The following GATM variants were observed in gnomAD, a reference collection of about 807,000 sequenced individuals.
GATM encodes the protein glycine amidinotransferase, mitochondrial.
In GATM, 23 loss-of-function variants were observed where a neutral mutation model predicts 54.2. That is an observed-to-expected ratio of 0.42 (90% CI 0.31 to 0.60). GATM has a LOEUF of 0.60. GATM is among the 20% of genes least tolerant of loss of function. The pLI is 0.14. For missense variants in GATM, 401 were observed against 544.9 expected, an observed-to-expected ratio of 0.74 and a Z score of 2.63; for synonymous variants, 168 against 183.1, an observed-to-expected ratio of 0.92 and a Z score of 0.67.
Position 45,366,211 on chromosome 15 carries a change from C to A in GATM, c.814-1G>T. On this transcript the variant is annotated splice_acceptor_variant, in intron 5 of 8. Transcript: ENST00000396659. LOFTEE classifies it high-confidence loss of function. ...ATTCAATGCCTAGGTAGTTTGTAAC[C>A]TGAAAACAAAAGAAAGACATACGAT... The A allele has an allele frequency of 6.2e-7, 1 of 1,613,962 alleles. No individual in the cohort carries two copies. The highest frequency in any genetic ancestry group is 8.5e-7 in the Non-Finnish European group (1 of 1,179,974).
intron 3 of GATM, among the ~76,000 whole-genome samples, chr15:45,394,131 A>C (rs1889901650): frequency 6.6e-6 from 1 of 152,208 alleles, no homozygotes; most frequent in African/African-American, 2.4e-5. Flanking sequence ...ACCAAGCCAC[A>C]CAGCAGGAGG....
intron 7 of GATM, chr15:45,364,271 G>C (rs548275680): frequency 7.2e-5 from 33 of 459,192 alleles, no homozygotes; most frequent in Admixed American, 1.1e-4. Flanking sequence ...CTAGCACTTT[G>C]GGAGGCTGAG....
intron 3 of GATM, among the ~76,000 whole-genome samples, chr15:45,386,393 T>C (rs1294900194): frequency 1.3e-5 from 2 of 152,202 alleles, no homozygotes; most frequent in African/African-American, 4.8e-5. Flanking sequence ...CCCTAATCGC[T>C]ATTATTTTTA....
rs1180365337 is a variant in GATM at position 45,369,463 on chromosome 15, G to A, written c.347C>T (p.Pro116Leu). 2 of 1,614,088 alleles carry A rather than the reference G, an allele frequency of 1.2e-6. No homozygotes were observed. Among genetic ancestry groups the A allele is most frequent in the Non-Finnish European group, 1.7e-6 (2 of 1,179,996 alleles). ...FYQKQGGHYF[P>L]KDHLKKAVAE... ...AACAGCCTTTTTCAAATGATCTTTG[G>A]GAAAATAATGCCCTCCTTGCTTCTG... Residue 116 changes from proline to leucine, a missense_variant, in exon 3 of 9, where the codon CCC (proline) becomes CTC (leucine). Coordinates refer to ENST00000396659, the MANE Select transcript of GATM (RefSeq NM_001482.3).
At chr15:45,381,225 T>A (rs1313791400), upstream of GATM, among the ~76,000 whole-genome samples, 1 of 152,174 alleles carries the variant, frequency 6.6e-6, no homozygotes, top group Non-Finnish European at 1.5e-5. Context: ...AATTTTAGGA[T>A]CTTGGTGGTC....
At chr15:45,399,677 A>G (rs921783932) in intron 1 of GATM, 12 of 152,282 alleles carry the variant, frequency 7.9e-5, no homozygotes, top group African/African-American at 2.4e-4. Context: ...ACTAAGCCAG[A>G]TAATATATAG....
Position 45,361,277 on chromosome 15 carries a change from A to T in GATM, c.*832T>A, listed in dbSNP as rs1889358335. Reference sequence around the variant, plus strand: ...AAATAATTTGCACATTTGTAAACAAATCTTAGATGACCAAAGATGCAGTGT... The same window carrying T: ...AAATAATTTGCACATTTGTAAACAATTCTTAGATGACCAAAGATGCAGTGT... On this transcript the variant is annotated 3_prime_UTR_variant, in exon 9 of 9. Transcript: ENST00000396659. 1 of 152,216 alleles carries T rather than the reference A, an allele frequency of 6.6e-6. No homozygotes were observed. The highest frequency in any genetic ancestry group is 6.5e-5 in the Admixed American group (1 of 15,288). The allele number at this position is 152,216 out of a possible 1,614,324, so 9.4% of individuals were successfully genotyped here. A position where few individuals can be genotyped will look rare whatever the true frequency, so the allele number is the denominator to read the frequency against.
intron 1 of GATM, among the ~76,000 whole-genome samples, chr15:45,400,839 T>C (rs992139838): frequency 6.6e-6 from 1 of 152,238 alleles, no homozygotes; most frequent in Non-Finnish European, 1.5e-5. Context: ...GTAAGTCTTC[T>C]TTCCCTCTCC....
At chr15:45,400,441 C>T (rs1440626085) in intron 1 of GATM, among the ~76,000 whole-genome samples, 1 of 152,188 alleles carries the variant, frequency 6.6e-6, no homozygotes, top group African/African-American at 2.4e-5. Flanking sequence ...AACAGAATTC[C>T]TTGTTGCTTT....
chr15:45,375,649 AC>A, intron 2 of GATM, among the ~76,000 whole-genome samples: 1 of 152,244 alleles, frequency 6.6e-6, no homozygotes, highest in Middle Eastern at 3.4e-3. Context: ...AGAAATGAAC[AC>A]CTGCTAATCT....
chr15:45,400,890 G>C (rs1748010019), intron 1 of GATM, among the ~76,000 whole-genome samples: 1 of 152,116 alleles, frequency 6.6e-6, no homozygotes, highest in Non-Finnish European at 1.5e-5. Context: ...GAAGGAACTC[G>C]ATGAGGTACA....
chr15:45,369,953 G>A (rs1472700553), intron 2 of GATM, among the ~76,000 whole-genome samples: 1 of 152,066 alleles, frequency 6.6e-6, no homozygotes, highest in Non-Finnish European at 1.5e-5. Context: ...CCAAAACCAT[G>A]GGCTATCCAT....
At chr15:45,370,404 A>G (rs985448493) in intron 2 of GATM, among the ~76,000 whole-genome samples, 9 of 132,480 alleles carry the variant, frequency 6.8e-5, no homozygotes, top group Admixed American at 3.5e-4. Context: ...AGAAAAAGAA[A>G]AAGAAAAAAA....
chr15:45,376,895 A>T, intron 1 of GATM, 76 bp from the exon 2 acceptor site: 2 of 1,386,696 alleles, frequency 1.4e-6, no homozygotes, highest in Non-Finnish European at 2.0e-6. Flanking sequence ...GTGGAGATGG[A>T]GTAAAAATCC....
chr15:45,378,081 G>A, intron 1 of GATM: 1 of 346,136 alleles, frequency 2.9e-6, no homozygotes, highest in Non-Finnish European at 5.3e-6. Context: ...CCGGTAGAGG[G>A]GGGCGGCGCC....
chr15:45,372,887 T>C (rs888224153), intron 2 of GATM, among the ~76,000 whole-genome samples: 1 of 152,224 alleles, frequency 6.6e-6, no homozygotes, highest in Non-Finnish European at 1.5e-5. Context: ...CCCTGCTAAA[T>C]GAGCCAGCAA....
Position 45,376,642 on chromosome 15 carries a change from C to T in GATM, c.247G>A (p.Ala83Thr). 3.1e-6 allele frequency: 5 copies of T among 1,614,174 alleles called. No individual in the cohort carries two copies. Among genetic ancestry groups the T allele is most frequent in the South Asian group, 1.1e-5 (1 of 91,082 alleles). Residue 83 changes from alanine to threonine, a missense_variant, in exon 2 of 9, where the codon GCA becomes ACA. This residue lies in a region of GATM where 321 missense variants were observed against 457.5 expected (regional missense o/e 0.70). Coordinates refer to ENST00000396659, the MANE Select transcript of GATM (RefSeq NM_001482.3). Reference sequence around the variant, plus strand: ...AACGGTGGAACACAGGCGTTTTCTGCTCTGCCCACTATCACTTCCTCTAAG... The same window carrying T: ...AACGGTGGAACACAGGCGTTTTCTGTTCTGCCCACTATCACTTCCTCTAAG... ...DPLEEVIVGR[A>T]ENACVPPFTI...
rs1045743231 is a variant in GATM at position 45,367,957 on chromosome 15, T to C, written c.675+113A>G. 6 of 819,282 alleles carry C rather than the reference T, an allele frequency of 7.3e-6. No homozygotes were observed. The African/African-American group carries it at 8.7e-5, about 12-fold the overall frequency. The allele number at this position is 819,282 out of a possible 1,614,324, so 50.8% of individuals were successfully genotyped here. On this transcript the variant is annotated intron_variant, in intron 4 of 8. Coordinates refer to ENST00000396659, the MANE Select transcript of GATM (RefSeq NM_001482.3). ...ATCACTTTTTAAAAATAAGATGATG[T>C]TTTCGGTTTCTAAAATGCATAATAT...
chr15:45,376,988 A>G (rs533359104), intron 1 of GATM, 169 bp from the exon 2 acceptor site: 125 of 669,916 alleles, frequency 1.9e-4, no homozygotes, highest in Non-Finnish European at 2.5e-4. Flanking sequence ...GGGATTACAG[A>G]TAATTTTTTT....
Sources: gnomAD v4.1 joint callset for allele counts (sites outside exome capture counted in the v4.1 genomes callset) on GRCh38, gnomAD v4.1.1 for gene constraint, gnomAD v4.1.1 regional missense constraint, MANE v1.5 for transcripts, NCBI Gene and HGNC (gene_info 2026-07-23, HGNC 2026-07-21) for gene names.